Variants in LPXN observed in about 807,000 individuals in gnomAD.
The protein encoded by LPXN is leupaxin.
LPXN carries 28 observed loss-of-function variants against 45.6 expected under a neutral mutation model. The observed-to-expected ratio is 0.61, with a 90% CI of 0.45 to 0.84. The LOEUF is 0.84. Ranked by LOEUF, LPXN falls within the 40% of genes least tolerant of loss-of-function variation. LPXN has a pLI of 0.00. For synonymous variants in LPXN, 166 were observed against 169.9 expected (o/e 0.98, Z 0.18); for missense variants, 459 against 475.0 (o/e 0.97, Z 0.31).
intron 3 of LPXN, among the ~76,000 whole-genome samples, chr11:58,563,323 C>A (rs1371550061): frequency 1.3e-5 from 2 of 152,132 alleles, no homozygotes; most frequent in Non-Finnish European, 1.5e-5. Context: ...AATAAATTGG[C>A]CTCACCTTCA....
chr11:58,529,519 A>C (rs546758895), intron 7 of LPXN, among the ~76,000 whole-genome samples: 1 of 151,590 alleles, frequency 6.6e-6, no homozygotes, highest in South Asian at 2.1e-4. Context: ...CTGAGGCAGG[A>C]GAATGGCGTA....
chr11:58,547,461 C>A (rs915043899), intron 7 of LPXN, among the ~76,000 whole-genome samples: 1 of 152,168 alleles, frequency 6.6e-6, no homozygotes, highest in Non-Finnish European at 1.5e-5. Flanking sequence ...ACTGGCTGAG[C>A]CTGGAGAGCA....
intron 7 of LPXN, among the ~76,000 whole-genome samples, chr11:58,534,665 C>A (rs1252643033): frequency 6.6e-6 from 1 of 152,078 alleles, no homozygotes; most frequent in Non-Finnish European, 1.5e-5. Context: ...CAAGAAATAA[C>A]TAAGATCAGA....
upstream of LPXN, chr11:58,578,068 AGAG>A (rs1854961190): frequency 1.9e-6 from 3 of 1,550,104 alleles, no homozygotes; most frequent in South Asian, 2.4e-5. Context: ...AGCCAGTCCC[AGAG>A]GAGGTGTCAT....
chr11:58,556,666 T>C (rs1854212923), intron 3 of LPXN, among the ~76,000 whole-genome samples: 1 of 151,896 alleles, frequency 6.6e-6, no homozygotes, highest in South Asian at 2.1e-4. Context: ...AAGATCAGGG[T>C]GGTGATTAGA....
In LPXN at chr11:58,549,810, A is replaced by G. The variant is rs2120320327; in HGVS notation, c.718T>C (p.Cys240Arg). The change falls in exon 7 of 9, where the codon TGC becomes CGC. Residue 240 changes from cysteine to arginine, a missense_variant. Transcript: ENST00000395074. The stretch of plus-strand genomic sequence containing the variant: ...CCTTCTGCACCAAACACCTCTCCGC[A>G]GTGAGAGCAGAAGAAGTGCTCTGGG... ...WHPEHFFCSH[C>R]GEVFGAEGFH... is the part of the protein sequence containing the mutation. The G allele has an allele frequency of 6.2e-7, 1 of 1,614,014 alleles. No individual in the cohort carries two copies. The highest frequency in any genetic ancestry group is 2.2e-5 in the East Asian group (1 of 44,888).
At chr11:58,558,067 G>C (rs1337712266) in intron 3 of LPXN, among the ~76,000 whole-genome samples, 1 of 151,930 alleles carries the variant, frequency 6.6e-6, no homozygotes. Flanking sequence ...CCAGCACTTT[G>C]GGAGGTCCAG....
chr11:58,547,067 G>A (rs12800710), intron 7 of LPXN, among the ~76,000 whole-genome samples: 30,207 of 152,034 alleles, frequency 0.2, 3,210 homozygotes, highest in Middle Eastern at 0.31. Flanking sequence ...TGGCATTAGT[G>A]AGATGCAGTT....
intron 1 of LPXN, 70 bp downstream of exon 1, chr11:58,575,690 C>T (rs1854864093): frequency 1.9e-6 from 3 of 1,552,354 alleles, no homozygotes; most frequent in African/African-American, 1.4e-5. Flanking sequence ...CAGAAGTATA[C>T]CCCACCACAC....
intron 1 of LPXN, among the ~76,000 whole-genome samples, chr11:58,573,919 C>A: frequency 6.6e-6 from 1 of 152,148 alleles, no homozygotes; most frequent in South Asian, 2.1e-4. Context: ...ATGCCTAATG[C>A]CTACGTAATG....
chr11:58,549,059 G>T (rs1368760261), intron 7 of LPXN, among the ~76,000 whole-genome samples: 1 of 152,006 alleles, frequency 6.6e-6, no homozygotes, highest in Admixed American at 6.6e-5. Flanking sequence ...GGTTAAAACT[G>T]GAAAAATAAA....
intron 7 of LPXN, among the ~76,000 whole-genome samples, chr11:58,539,127 G>C (rs1853641340): frequency 6.6e-6 from 1 of 152,134 alleles, no homozygotes; most frequent in Non-Finnish European, 1.5e-5. Flanking sequence ...GGGCAATGTA[G>C]TGAGACCCAC....
At chr11:58,532,377 G>A (rs1278887372) in intron 7 of LPXN, among the ~76,000 whole-genome samples, 1 of 152,260 alleles carries the variant, frequency 6.6e-6, no homozygotes, top group Non-Finnish European at 1.5e-5. Context: ...CCTGGCATGG[G>A]ATCCACTAGG....
intron 3 of LPXN, among the ~76,000 whole-genome samples, chr11:58,557,937 T>C (rs949798830): frequency 2.0e-5 from 3 of 152,084 alleles, no homozygotes; most frequent in Non-Finnish European, 1.5e-5. Context: ...CAAATAAAAA[T>C]TCTGATATAA....
Position 58,527,298 on chromosome 11 carries a change from T to C in LPXN, c.*156A>G. 3.0e-6 allele frequency: 2 copies of C among 666,124 alleles called. No homozygotes were observed. Among genetic ancestry groups the C allele is most frequent in the Middle Eastern group, 6.8e-4 (2 of 2,946 alleles). 41.3% of individuals were successfully genotyped at this position (666,124 alleles called of 1,614,324 possible). A position where few individuals can be genotyped will look rare whatever the true frequency, so the allele number is the denominator to read the frequency against. Reference sequence around the variant, plus strand: ...CTAAAAAATAAGATTATCAGCCTAGTCATGTAAAGTCTAGAAGTTCCTTTA... The same window carrying C: ...CTAAAAAATAAGATTATCAGCCTAGCCATGTAAAGTCTAGAAGTTCCTTTA... On this transcript the variant is annotated 3_prime_UTR_variant, in exon 9 of 9. Transcript: ENST00000395074.
intron 3 of LPXN, among the ~76,000 whole-genome samples, chr11:58,555,669 G>A (rs1417466438): frequency 1.3e-5 from 2 of 151,522 alleles, no homozygotes; most frequent in Non-Finnish European, 2.9e-5. Context: ...AAAAAACAAA[G>A]CACTTCTAAA....
chr11:58,549,606 C>T lies in LPXN; in HGVS notation c.742+180G>A, dbSNP rs552887561. ...TTTGTATTTCTGTGATTTAAAAAAT[C>T]AATTTAAAGGGAAATTATAAATGTT... On this transcript the variant is annotated intron_variant, in intron 7 of 8. Transcript: ENST00000395074. 2.0e-4 allele frequency among the ~76,000 whole-genome samples: 31 copies of T among 152,126 alleles called. No individual in the cohort carries two copies. The East Asian group carries it at 3.7e-3, about 18-fold the overall frequency.
Position 58,549,852 on chromosome 11 carries a change from T to C in LPXN, c.676A>G (p.Met226Val), listed in dbSNP as rs1297602485. The change falls in exon 7 of 9, where the codon ATG (methionine) becomes GTG (valine). Residue 226 changes from methionine to valine, a missense_variant. Physicochemically the swap from Met to Val is conservative, Grantham distance 21. Transcript: ENST00000395074. The stretch of plus-strand genomic sequence containing the variant: ...TGCTCTGGGTGCCAGGTCTGGTTCA[T>C]TGCTGTCAGCACTTTCTGGAAAGGG... ...APILDKVLTAMNQTWHPEHFF... is the reference protein window; with the variant it reads ...APILDKVLTAVNQTWHPEHFF... 3.7e-6 allele frequency: 6 copies of C among 1,614,070 alleles called. No individual in the cohort carries two copies. The highest frequency in any genetic ancestry group is 2.2e-5 in the South Asian group (2 of 91,086).
chr11:58,550,530 T>A (rs1375322196), intron 5 of LPXN, among the ~76,000 whole-genome samples: 1 of 152,198 alleles, frequency 6.6e-6, no homozygotes, highest in Non-Finnish European at 1.5e-5. Context: ...ATTCCTCTAG[T>A]TTGAACACTT....
Sources: gnomAD v4.1 joint callset for allele counts (sites outside exome capture counted in the v4.1 genomes callset) on GRCh38, gnomAD v4.1.1 for gene constraint, MANE v1.5 for transcripts, NCBI Gene and HGNC (gene_info 2026-07-23, HGNC 2026-07-21) for gene names.